Variants in STARD9 observed in about 807,000 individuals in gnomAD.
STARD9 encodes stAR-related lipid transfer protein 9.
Under a neutral mutation model 399.8 loss-of-function variants are expected in STARD9, and 346 were observed. The ratio of observed to expected loss-of-function variants is 0.87; its 90% CI spans 0.79 to 0.95. The LOEUF is 0.95. Among genes scored for constraint, STARD9 ranks in the 40% least tolerant of loss-of-function variants. STARD9 has a pLI of 0.00. For missense variants in STARD9, 5,832 were observed against 5,667.5 expected (o/e 1.03, Z -0.93); for synonymous variants, 2,203 against 2,143.5 (o/e 1.03, Z -0.77).
At chr15:42,581,551 T>C in intron 1 of STARD9, 2 of 1,128,622 alleles carry the variant, frequency 1.8e-6, no homozygotes, top group Non-Finnish European at 2.6e-6. Flanking sequence ...GCCGGTCTGC[T>C]CCAGCTCCTA....
chr15:42,674,836 G>T lies in STARD9; in HGVS notation c.1559G>T (p.Gly520Val), dbSNP rs775555308. 2 of 1,532,350 alleles carry T rather than the reference G, an allele frequency of 1.3e-6. No homozygotes were observed. The highest frequency in any genetic ancestry group is 1.2e-5 in the South Asian group (1 of 82,858). The allele number at this position is 1,532,350 out of a possible 1,614,324, so 94.9% of individuals were successfully genotyped here. Residue 520 changes from glycine (G) to valine (V), a missense_variant, in exon 18 of 33, where the codon GGT (glycine) becomes GTT (valine). By Grantham distance (109) the Gly-to-Val change is moderately radical. Around this residue, in one of 2 missense-constraint regions of STARD9, gnomAD observed 5,828 missense variants for 5,651.1 expected, o/e 1.03. Coordinates refer to ENST00000290607, the MANE Select transcript of STARD9 (RefSeq NM_020759.3). Reference protein sequence around the residue: ...SDQEQDIVLQGQWIERDHCTI... With the variant: ...SDQEQDIVLQVQWIERDHCTI... ...ACCACCTCTTTTGTAGTCCTGCAGG[G>T]TCAGTGGATTGAGAGAGACCACTGC...
intron 3 of STARD9, among the ~76,000 whole-genome samples, chr15:42,601,195 A>G (rs955272310): frequency 6.6e-6 from 1 of 152,142 alleles, no homozygotes; most frequent in Non-Finnish European, 1.5e-5. Flanking sequence ...AAGGTTATAG[A>G]TTAACAGCAT....
Position 42,682,101 on chromosome 15 carries a change from C to T in STARD9, c.2066-3C>T. 2 of 1,528,290 alleles carry T rather than the reference C, an allele frequency of 1.3e-6. No individual in the cohort carries two copies. Among genetic ancestry groups the T allele is most frequent in the Non-Finnish European group, 1.8e-6 (2 of 1,142,188 alleles). The allele number at this position is 1,528,290 out of a possible 1,614,324, so 94.7% of individuals were successfully genotyped here. A position where few individuals can be genotyped will look rare whatever the true frequency, so the allele number is the denominator to read the frequency against. Reference sequence around the variant, plus strand: ...ATTCTCTCTGGGTGTTTTTGGTTCCCAGACCAGCAGTGTCTGCTCAGAGAA... The same window carrying T: ...ATTCTCTCTGGGTGTTTTTGGTTCCTAGACCAGCAGTGTCTGCTCAGAGAA... On this transcript the variant is annotated splice_polypyrimidine_tract_variant and splice_region_variant and intron_variant, in intron 21 of 32. Coordinates refer to ENST00000290607, the MANE Select transcript of STARD9 (RefSeq NM_020759.3).
At chr15:42,718,307 ATTG>A in intron 30 of STARD9, 125 bp from the exon 31 acceptor site, 6 of 1,214,664 alleles carry the variant, frequency 4.9e-6, no homozygotes, top group Non-Finnish European at 7.0e-6. Context: ...GGTTACCTTG[ATTG>A]CTCAGCCTAG....
At chr15:42,594,727 T>C (rs373075039) in intron 3 of STARD9, among the ~76,000 whole-genome samples, 1 of 152,204 alleles carries the variant, frequency 6.6e-6, no homozygotes, top group Non-Finnish European at 1.5e-5. Context: ...GTAGGGGCCA[T>C]GGACTGCAAC....
intron 9 of STARD9, among the ~76,000 whole-genome samples, chr15:42,658,288 GGTGTGTGTGTGTGT>G (rs56286330): frequency 6.9e-6 from 1 of 145,854 alleles, no homozygotes; most frequent in East Asian, 2.0e-4. Context: ...GGGACTTACA[GGTGTGTGTGTGTGT>G]GTGTGTGTGT....
intron 26 of STARD9, among the ~76,000 whole-genome samples, chr15:42,710,175 C>T (rs978296215): frequency 6.7e-6 from 1 of 150,368 alleles, no homozygotes. Flanking sequence ...ATCCTCCCAC[C>T]TCAGCCTCCT....
intron 20 of STARD9, among the ~76,000 whole-genome samples, chr15:42,678,815 C>T (rs571516103): frequency 6.6e-6 from 1 of 152,200 alleles, no homozygotes; most frequent in Admixed American, 6.5e-5. Context: ...CCTTTGTAAT[C>T]TAGCCAGACA....
At chr15:42,585,498 CT>C in intron 2 of STARD9, 22 bp from the exon 3 acceptor site, 3 of 1,483,314 alleles carry the variant, frequency 2.0e-6, no homozygotes, top group Non-Finnish European at 2.7e-6. Flanking sequence ...AGAAAAGACA[CT>C]GGATCCTATG....
At chr15:42,655,548 C>G (rs2059850244) in intron 9 of STARD9, among the ~76,000 whole-genome samples, 3 of 152,182 alleles carry the variant, frequency 2.0e-5, no homozygotes, top group African/African-American at 7.2e-5. Context: ...AAGAGAATGA[C>G]ACTGGATCCT....
At chr15:42,591,442 C>A (rs1018573412) in intron 3 of STARD9, among the ~76,000 whole-genome samples, 3 of 151,136 alleles carry the variant, frequency 2.0e-5, no homozygotes, top group Non-Finnish European at 4.4e-5. Flanking sequence ...AAGCCGAGAT[C>A]GCACCACTGC....
chr15:42,707,878 TA>T, intron 26 of STARD9, among the ~76,000 whole-genome samples: 1 of 150,740 alleles, frequency 6.6e-6, no homozygotes, highest in East Asian at 2.0e-4. Context: ...GGATGAAAAG[TA>T]AAAAAATTTG....
chr15:42,708,114 C>T (rs2061129797), intron 26 of STARD9, among the ~76,000 whole-genome samples: 1 of 151,964 alleles, frequency 6.6e-6, no homozygotes, highest in Admixed American at 6.6e-5. Context: ...GACCATGCTG[C>T]TGCACTCCAG....
At chr15:42,642,433 A>C (rs12594951) in intron 7 of STARD9, among the ~76,000 whole-genome samples, 54,763 of 152,176 alleles carry the variant, frequency 0.36, 12,063 homozygotes, top group Middle Eastern at 0.51. Context: ...CTAAACTGAT[A>C]TCTAAGTGAG....
intron 26 of STARD9, among the ~76,000 whole-genome samples, chr15:42,703,806 A>G (rs1336037801): frequency 1.3e-5 from 2 of 151,600 alleles, no homozygotes; most frequent in Non-Finnish European, 2.9e-5. Flanking sequence ...TCTGCTTTAT[A>G]ATTTCTGCTG....
At chr15:42,637,189 G>T (rs1456032226) in intron 4 of STARD9, among the ~76,000 whole-genome samples, 1 of 151,822 alleles carries the variant, frequency 6.6e-6, no homozygotes, top group Non-Finnish European at 1.5e-5. Context: ...TTCTAAATGT[G>T]TTTTTTTGCT....
Position 42,689,532 on chromosome 15 carries a change from A to C in STARD9, c.7954A>C (p.Asn2652His). The C allele has an allele frequency of 6.5e-7, 1 of 1,537,266 alleles. No homozygotes were observed. Among genetic ancestry groups the C allele is most frequent in the Non-Finnish European group, 8.7e-7 (1 of 1,146,920 alleles). ...TGCAGACAGCTTTGAATCTCTGCCC[A>C]ATACGGAAACTGACAGAGAGCCATG... ...LSADSFESLP[N>H]TETDREPWDP... The change falls in exon 23 of 33, where the codon AAT (asparagine) becomes CAT (histidine). Residue 2652 changes from asparagine to histidine, a missense_variant. By Grantham distance (68) the Asn-to-His change is moderately conservative. This residue lies in a region of STARD9 where 5,828 missense variants were observed against 5,651.1 expected (regional missense o/e 1.03). Transcript: ENST00000290607.
At chr15:42,662,554 A>G (rs1453170496) in intron 10 of STARD9, among the ~76,000 whole-genome samples, 2 of 152,232 alleles carry the variant, frequency 1.3e-5, no homozygotes, top group Non-Finnish European at 2.9e-5. Flanking sequence ...AAGTGTTCTG[A>G]CAGTCAAAAT....
At chr15:42,704,425 G>A (rs758806247) in intron 26 of STARD9, among the ~76,000 whole-genome samples, 5 of 152,184 alleles carry the variant, frequency 3.3e-5, no homozygotes, top group African/African-American at 1.2e-4. Context: ...GCTTTCCAAT[G>A]TGTGTCAATA....
Sources: allele counts gnomAD v4.1 joint callset (sites outside exome capture counted in the v4.1 genomes callset), GRCh38; gene constraint gnomAD v4.1.1; regional missense constraint gnomAD v4.1.1; transcripts MANE v1.5; gene names NCBI Gene and HGNC (gene_info 2026-07-23, HGNC 2026-07-21).